ROBO2: variants seen among roughly 807,000 people sequenced by gnomAD.
ROBO2 encodes the protein roundabout guidance receptor 2.
In ROBO2, 53 loss-of-function variants were observed where a neutral mutation model predicts 160.8. The observed-to-expected ratio is 0.33, with a 90% CI of 0.26 to 0.41. The LOEUF (loss-of-function observed/expected upper bound fraction) is 0.41. Among genes scored for constraint, ROBO2 ranks in the 10% least tolerant of loss-of-function variants. The pLI, the probability that ROBO2 is intolerant of heterozygous loss-of-function variation, is 1.00. For missense variants in ROBO2, 1,577 were observed against 1,722.4 expected (o/e 0.92, Z 1.49); for synonymous variants, 664 against 611.7 (o/e 1.09, Z -1.26).
chr3:77,216,262 A>T (rs1462753985), intron 2 of ROBO2, among the ~76,000 whole-genome samples: 2 of 152,056 alleles, frequency 1.3e-5, no homozygotes, highest in African/African-American at 4.8e-5. Flanking sequence ...TACCTACTCA[A>T]GCCTCGGCAA....
intron 2 of ROBO2, among the ~76,000 whole-genome samples, chr3:77,458,605 A>G (rs1277368405): frequency 7.2e-6 from 1 of 139,704 alleles, no homozygotes; most frequent in East Asian, 2.1e-4. Flanking sequence ...TTTTTTTTTT[A>G]TGAAAAAAAG....
chr3:77,370,468 T>C (rs963814736), intron 2 of ROBO2, among the ~76,000 whole-genome samples: 5 of 152,190 alleles, frequency 3.3e-5, no homozygotes, highest in Non-Finnish European at 5.9e-5. Flanking sequence ...TCTCTCATTC[T>C]TTTTCTGGTG....
intron 2 of ROBO2, among the ~76,000 whole-genome samples, chr3:75,988,048 CAT>C (rs2065462229): frequency 6.6e-6 from 1 of 151,956 alleles, no homozygotes; most frequent in African/African-American, 2.4e-5. Flanking sequence ...ATGCTGGCCT[CAT>C]ATGAAGTATT....
At chr3:77,134,955 C>G (rs1440081705) in intron 2 of ROBO2, among the ~76,000 whole-genome samples, 1 of 152,210 alleles carries the variant, frequency 6.6e-6, no homozygotes, top group South Asian at 2.1e-4. Flanking sequence ...GGGCCCACCC[C>G]CCGTTTGCTG....
At chr3:77,216,874 T>A (rs1431777135) in intron 2 of ROBO2, among the ~76,000 whole-genome samples, 1 of 152,198 alleles carries the variant, frequency 6.6e-6, no homozygotes, top group Non-Finnish European at 1.5e-5. Flanking sequence ...TATATTACTG[T>A]ATTTAAAAAA....
chr3:77,524,370 A>G (rs537056545), intron 6 of ROBO2, among the ~76,000 whole-genome samples: 65 of 151,388 alleles, frequency 4.3e-4, no homozygotes, highest in African/African-American at 1.5e-3. Context: ...CACACTCTAC[A>G]TGGATAACTT....
At chr3:77,397,668 T>G (rs1275453887) in intron 2 of ROBO2, among the ~76,000 whole-genome samples, 1 of 152,166 alleles carries the variant, frequency 6.6e-6, no homozygotes, top group African/African-American at 2.4e-5. Context: ...TTCCTGTAAA[T>G]AAGTGCCTAT....
At chr3:76,089,967 A>G (rs999301715) in intron 2 of ROBO2, among the ~76,000 whole-genome samples, 2 of 152,200 alleles carry the variant, frequency 1.3e-5, no homozygotes, top group African/African-American at 2.4e-5. Flanking sequence ...ATTAGTGATT[A>G]TAGAAAGGTA....
chr3:77,016,484 A>G (rs138356866), intron 2 of ROBO2, among the ~76,000 whole-genome samples: 2,709 of 152,264 alleles, frequency 0.018, 43 homozygotes, highest in Non-Finnish European at 0.03. Context: ...AAATCTATAT[A>G]TATTTATCTT....
chr3:75,977,102 A>C (rs2065152881), intron 2 of ROBO2, among the ~76,000 whole-genome samples: 1 of 151,644 alleles, frequency 6.6e-6, no homozygotes, highest in Admixed American at 6.6e-5. Flanking sequence ...GCATAGAATT[A>C]TATGATATGG....
At chr3:77,186,970 G>A (rs1454195624) in intron 2 of ROBO2, among the ~76,000 whole-genome samples, 2 of 151,946 alleles carry the variant, frequency 1.3e-5, no homozygotes, top group Admixed American at 1.3e-4. Context: ...TCAAGAGGCA[G>A]GAAGTGAAAG....
chr3:76,328,128 A>G (rs1321249756), intron 2 of ROBO2, among the ~76,000 whole-genome samples: 1 of 152,228 alleles, frequency 6.6e-6, no homozygotes, highest in Non-Finnish European at 1.5e-5. Flanking sequence ...CTTGATGACT[A>G]CAAATCATCC....
At chr3:76,790,769 A>G (rs997048032) in intron 2 of ROBO2, among the ~76,000 whole-genome samples, 13 of 151,812 alleles carry the variant, frequency 8.6e-5, no homozygotes, top group Non-Finnish European at 1.5e-4. Context: ...ACTAAATTGG[A>G]GCTATTTCTT....
At chr3:76,362,440 G>A (rs2075575761) in intron 2 of ROBO2, among the ~76,000 whole-genome samples, 1 of 152,030 alleles carries the variant, frequency 6.6e-6, no homozygotes, top group South Asian at 2.1e-4. Context: ...TGGTTGCTTA[G>A]TTTACTGTAA....
intron 2 of ROBO2, among the ~76,000 whole-genome samples, chr3:76,166,643 A>G (rs2072850783): frequency 6.6e-6 from 1 of 152,146 alleles, no homozygotes; most frequent in Admixed American, 6.5e-5. Context: ...TTCCAGTTAA[A>G]TTTCAGATGG....
At chr3:76,663,093 C>T (rs976387973) in intron 2 of ROBO2, among the ~76,000 whole-genome samples, 9 of 152,072 alleles carry the variant, frequency 5.9e-5, no homozygotes, top group Non-Finnish European at 1.0e-4. Flanking sequence ...GAAAGTGTAT[C>T]AGTGGCAAAG....
chr3:76,135,292 G>A lies in ROBO2; in HGVS notation c.109+197690G>A, dbSNP rs118000703. The stretch of plus-strand genomic sequence containing the variant: ...GAATAATTAGCCTTTTAATATACCC[G>A]TCAAGGTACTGATAGAGGGCCCCCT... On this transcript the variant is annotated intron_variant, in intron 2 of 26. Transcript: ENST00000487694. 6.2e-4 allele frequency among the ~76,000 whole-genome samples: 95 copies of A among 152,128 alleles called. No individual in the cohort carries two copies. In the East Asian group the frequency reaches 0.017, roughly 27 times the overall value.
chr3:77,600,454 A>G (rs1298777156), intron 19 of ROBO2, among the ~76,000 whole-genome samples: 1 of 152,200 alleles, frequency 6.6e-6, no homozygotes, highest in Non-Finnish European at 1.5e-5. Flanking sequence ...TTAGTTGTAT[A>G]GCAATATTAT....
At position 76,218,260 on chromosome 3, in the gene ROBO2, G is replaced by T. The variant is rs965807633; in HGVS notation, c.109+280658G>T. The stretch of plus-strand genomic sequence containing the variant: ...CCCTTTAAAAACTGGCACAAGACAG[G>T]GATGCCCTCTCTCACCACTCCTATT... On this transcript the variant is annotated intron_variant, in intron 2 of 26. Transcript: ENST00000487694. Among the ~76,000 whole-genome samples the T allele has an allele frequency of 2.0e-5, 3 of 152,132 alleles. No individual in the cohort carries two copies. In the South Asian group the frequency reaches 6.2e-4, roughly 31 times the overall value.
Sources: gnomAD v4.1 joint callset for allele counts (sites outside exome capture counted in the v4.1 genomes callset) on GRCh38, gnomAD v4.1.1 for gene constraint, MANE v1.5 for transcripts, NCBI Gene and HGNC (gene_info 2026-07-23, HGNC 2026-07-21) for gene names.